ZFAT: variants seen among roughly 807,000 people sequenced by gnomAD.
ZFAT encodes zinc finger and AT-hook domain containing.
Under a neutral mutation model 117.7 loss-of-function variants are expected in ZFAT, and 64 were observed. The observed-to-expected ratio is 0.54, with a 90% CI of 0.44 to 0.67. ZFAT has a LOEUF of 0.67. Ranked by LOEUF, ZFAT falls within the 30% of genes least tolerant of loss-of-function variation. The pLI, the probability that ZFAT is intolerant of heterozygous loss-of-function variation, is 0.00. For missense variants in ZFAT, 1,433 were observed against 1,584.5 expected (o/e 0.90, Z 1.62); for synonymous variants, 679 against 615.0 (o/e 1.10, Z -1.54).
intron 1 of ZFAT, among the ~76,000 whole-genome samples, chr8:134,675,854 G>T (rs1292567757): frequency 3.3e-5 from 5 of 152,138 alleles, no homozygotes; most frequent in Non-Finnish European, 7.3e-5. Flanking sequence ...AGCTTCATAA[G>T]TGAAGGAGAA....
intron 3 of ZFAT, among the ~76,000 whole-genome samples, chr8:134,617,691 A>C (rs1168102084): frequency 6.6e-6 from 1 of 152,208 alleles, no homozygotes; most frequent in Non-Finnish European, 1.5e-5. Flanking sequence ...TCACCACTAC[A>C]AAACAGACAG....
At chr8:134,606,579 G>A (rs12550577) in intron 5 of ZFAT, among the ~76,000 whole-genome samples, 63,163 of 151,660 alleles carry the variant, frequency 0.42, 13,562 homozygotes, top group Admixed American at 0.55. Flanking sequence ...AGCTGGCCGT[G>A]GTGGTGCACA....
chr8:134,595,716 T>TTAA (rs1375205497), intron 7 of ZFAT, among the ~76,000 whole-genome samples: 1 of 152,244 alleles, frequency 6.6e-6, no homozygotes, highest in East Asian at 1.9e-4. Context: ...TAAGTTGACA[T>TTAA]TATTTAGTTA....
At chr8:134,513,288 G>A (rs935127502) in intron 13 of ZFAT, among the ~76,000 whole-genome samples, 1 of 148,270 alleles carries the variant, frequency 6.7e-6, no homozygotes, top group Non-Finnish European at 1.5e-5. Context: ...ATCTCTGCCC[G>A]CCAGGTTCAA....
intron 10 of ZFAT, among the ~76,000 whole-genome samples, chr8:134,578,927 C>T (rs951522494): frequency 2.6e-5 from 4 of 152,176 alleles, no homozygotes; most frequent in Non-Finnish European, 4.4e-5. Flanking sequence ...TGCCCAAGCA[C>T]CAAATTTAGC....
chr8:134,717,420 A>T (rs767820173), upstream of ZFAT, among the ~76,000 whole-genome samples: 13 of 125,114 alleles, frequency 1.0e-4, no homozygotes, highest in Non-Finnish European at 2.0e-4. Context: ...GTATAAAAAT[A>T]TGTTTTGTAG....
At chr8:134,725,287 C>T in the ZFAT span, among the ~76,000 whole-genome samples, 12 of 152,294 alleles carry the variant, frequency 7.9e-5, no homozygotes, top group Admixed American at 1.3e-4. Context: ...TGATCTCAGA[C>T]GGCTTTCAAG....
At chr8:134,625,237 G>A (rs1401322636) in intron 3 of ZFAT, among the ~76,000 whole-genome samples, 3 of 152,242 alleles carry the variant, frequency 2.0e-5, no homozygotes, top group South Asian at 4.1e-4. Flanking sequence ...AAACTGCCAG[G>A]AAAATAAACC....
intron 3 of ZFAT, among the ~76,000 whole-genome samples, chr8:134,623,850 C>T (rs989393264): frequency 1.6e-4 from 24 of 152,024 alleles, no homozygotes; most frequent in East Asian, 1.9e-4. Flanking sequence ...TCTGCCCCAG[C>T]GAGCCACCAG....
At chr8:134,622,714 G>A (rs1410607172) in intron 3 of ZFAT, among the ~76,000 whole-genome samples, 2 of 152,112 alleles carry the variant, frequency 1.3e-5, no homozygotes, top group Non-Finnish European at 2.9e-5. Flanking sequence ...GCTTCCAACT[G>A]GGTTTGACCA....
At chr8:134,603,961 TTATTAACTTTG>T (rs1827700955) in intron 5 of ZFAT, among the ~76,000 whole-genome samples, 1 of 152,226 alleles carries the variant, frequency 6.6e-6, no homozygotes, top group African/African-American at 2.4e-5. Flanking sequence ...GGGTTGCTGT[TTATTAACTTTG>T]TATTCCATTT....
At chr8:134,544,650 G>C (rs1657267468) in intron 11 of ZFAT, among the ~76,000 whole-genome samples, 1 of 152,046 alleles carries the variant, frequency 6.6e-6, no homozygotes, top group African/African-American at 2.4e-5. Context: ...TACTTTACTA[G>C]AAGAAAAGGT....
At chr8:134,628,674 A>G (rs1265427211) in intron 3 of ZFAT, among the ~76,000 whole-genome samples, 1 of 152,200 alleles carries the variant, frequency 6.6e-6, no homozygotes, top group African/African-American at 2.4e-5. Context: ...TATAACACCT[A>G]TAGCATATTA....
chr8:134,573,300 C>T (rs12550409), intron 10 of ZFAT, among the ~76,000 whole-genome samples: 20,429 of 151,866 alleles, frequency 0.13, 1,693 homozygotes, highest in East Asian at 0.37. Context: ...ATTTAAAAAA[C>T]GTAAAAATAA....
chr8:134,504,767 G>C (rs75326728), intron 15 of ZFAT, among the ~76,000 whole-genome samples: 4,705 of 152,240 alleles, frequency 0.031, 239 homozygotes, highest in African/African-American at 0.11. Flanking sequence ...AGATACTTCC[G>C]AGACTTGGAA....
At chr8:134,679,191 C>G (rs908023129) in intron 1 of ZFAT, among the ~76,000 whole-genome samples, 1 of 151,922 alleles carries the variant, frequency 6.6e-6, no homozygotes, top group Non-Finnish European at 1.5e-5. Context: ...TCTATCCATC[C>G]GAAAAAGCGC....
intron 3 of ZFAT, among the ~76,000 whole-genome samples, chr8:134,618,415 A>G (rs1276320849): frequency 4.0e-5 from 6 of 151,858 alleles, no homozygotes; most frequent in Non-Finnish European, 8.8e-5. Flanking sequence ...GGGGAGTCAC[A>G]CCCCTGGTTT....
In ZFAT at chr8:134,478,487, G is replaced by A; in HGVS notation, c.3727C>T (p.Leu1243Phe). The A allele has an allele frequency of 6.4e-7, 1 of 1,565,504 alleles. No homozygotes were observed. Among genetic ancestry groups the A allele is most frequent in the Non-Finnish European group, 8.7e-7 (1 of 1,155,362 alleles). Residue 1243 changes from leucine to phenylalanine, a missense_variant, in exon 16 of 16, where the codon CTC (leucine) becomes TTC (phenylalanine). This residue lies in a region of ZFAT where 503 missense variants were observed against 543.4 expected (regional missense o/e 0.93). Transcript: ENST00000377838. This position sits in a 1 kb window ranked among gnomAD's most constrained non-coding sequence, Gnocchi z 5.2. ...EQAVEQPAQE[L>F] The stretch of plus-strand genomic sequence containing the variant: ...CATCCGATGCCACATGTCCTCTAGA[G>A]TTCCTGGGCCGGCTGCTCCACAGCC...
intron 2 of ZFAT, among the ~76,000 whole-genome samples, chr8:134,638,979 C>T (rs1830428058): frequency 6.6e-6 from 1 of 152,184 alleles, no homozygotes; most frequent in South Asian, 2.1e-4. Context: ...GATTCTGGCA[C>T]CATCTTGGGT....
Sources: allele counts gnomAD v4.1 joint callset (sites outside exome capture counted in the v4.1 genomes callset), GRCh38; gene constraint gnomAD v4.1.1; regional missense constraint gnomAD v4.1.1; non-coding constraint Gnocchi (gnomAD v3.1); transcripts MANE v1.5; gene names NCBI Gene and HGNC (gene_info 2026-07-23, HGNC 2026-07-21).